Variants in INPP5A observed in about 807,000 individuals in gnomAD.
The protein encoded by INPP5A is inositol polyphosphate-5-phosphatase A.
Under a neutral mutation model 65.2 loss-of-function variants are expected in INPP5A, and 14 were observed. The ratio of observed to expected loss-of-function variants is 0.21; its 90% CI spans 0.14 to 0.34. INPP5A has a LOEUF of 0.34. Among genes scored for constraint, INPP5A ranks in the 10% least tolerant of loss-of-function variants. The pLI is 1.00. For synonymous variants in INPP5A, 207 were observed against 208.3 expected, an observed-to-expected ratio of 0.99 and a Z score of 0.05; for missense variants, 431 against 545.6, an observed-to-expected ratio of 0.79 and a Z score of 2.09.
intron 1 of INPP5A, among the ~76,000 whole-genome samples, chr10:132,597,320 G>A (rs1462399174): frequency 6.6e-6 from 1 of 152,178 alleles, no homozygotes; most frequent in Non-Finnish European, 1.5e-5. Flanking sequence ...GATGTGTCAG[G>A]GTGTCTGGAT....
chr10:132,625,385 A>G (rs1276411423), intron 2 of INPP5A, among the ~76,000 whole-genome samples: 4 of 151,936 alleles, frequency 2.6e-5, no homozygotes, highest in Admixed American at 6.6e-5. Context: ...TGCCTGGGCT[A>G]GGGAGGGAGG....
At chr10:132,722,268 C>T (rs969730276) in intron 8 of INPP5A, among the ~76,000 whole-genome samples, 3 of 152,040 alleles carry the variant, frequency 2.0e-5, no homozygotes, top group Admixed American at 1.3e-4. Context: ...CAGCTACGGT[C>T]GCTTTCAGGG....
intron 13 of INPP5A, among the ~76,000 whole-genome samples, chr10:132,778,545 C>T (rs1370427903): frequency 6.6e-6 from 1 of 151,970 alleles, no homozygotes; most frequent in Non-Finnish European, 1.5e-5. Context: ...TTTTGTCAAC[C>T]CCGTGAATGA....
At chr10:132,576,833 G>T (rs370356807) in intron 1 of INPP5A, among the ~76,000 whole-genome samples, 1 of 152,180 alleles carries the variant, frequency 6.6e-6, no homozygotes, top group Non-Finnish European at 1.5e-5. Context: ...GCCGAGGGTC[G>T]CACCCAGACT....
intron 11 of INPP5A, chr10:132,754,041 C>T (rs1432650456): frequency 6.6e-6 from 1 of 152,372 alleles, no homozygotes; most frequent in South Asian, 2.1e-4. Flanking sequence ...AGCAGGGGCC[C>T]TCACCCACAT....
In INPP5A at chr10:132,780,895, A is replaced by G. The variant is rs372404909; in HGVS notation, c.1136A>G (p.Asn379Ser). 19 of 1,595,260 alleles carry G rather than the reference A, an allele frequency of 1.2e-5. No homozygotes were observed. Among genetic ancestry groups the G allele is most frequent in the African/African-American group, 4.1e-5 (3 of 74,012 alleles). ...KVVTYDHIGP[N>S]VCMGDHKPVF... is the part of the protein sequence containing the mutation. Reference sequence around the variant, plus strand: ...GTCACCTATGACCACATTGGGCCCAACGTCTGCATGGGAGACCACAAGGTG... The same window carrying G: ...GTCACCTATGACCACATTGGGCCCAGCGTCTGCATGGGAGACCACAAGGTG... The change falls in exon 14 of 16, where the codon AAC (asparagine) becomes AGC (serine). Residue 379 changes from asparagine (N) to serine (S), a missense_variant. Physicochemically the swap from Asn to Ser is conservative, Grantham distance 46. Coordinates refer to ENST00000368594, the MANE Select transcript of INPP5A (RefSeq NM_005539.5).
intron 8 of INPP5A, among the ~76,000 whole-genome samples, chr10:132,711,063 G>A (rs777165690): frequency 1.3e-5 from 2 of 152,226 alleles, no homozygotes; most frequent in Non-Finnish European, 2.9e-5. Context: ...CTTGGATGGG[G>A]ATGGCTTCAC....
intron 8 of INPP5A, 105 bp from the exon 9 acceptor site, chr10:132,726,716 A>C: frequency 1.3e-6 from 1 of 780,644 alleles, no homozygotes; most frequent in Non-Finnish European, 2.1e-6. Flanking sequence ...AGCAGGTGAC[A>C]GAACAGAGAG....
intron 2 of INPP5A, among the ~76,000 whole-genome samples, chr10:132,642,138 G>T (rs901846388): frequency 3.3e-5 from 5 of 151,662 alleles, no homozygotes; most frequent in Admixed American, 1.3e-4. Context: ...CCTGGAGCTC[G>T]TCTGCGGTCT....
chr10:132,566,263 C>A (rs778483071), intron 1 of INPP5A, among the ~76,000 whole-genome samples: 1 of 152,146 alleles, frequency 6.6e-6, no homozygotes, highest in East Asian at 1.9e-4. Context: ...AAAGATTGAT[C>A]GACTTGTCAA....
chr10:132,730,545 C>T (rs1287104446), intron 9 of INPP5A, among the ~76,000 whole-genome samples: 1 of 152,232 alleles, frequency 6.6e-6, no homozygotes, highest in Non-Finnish European at 1.5e-5. Flanking sequence ...AGAGCAGCTC[C>T]TGCGTGCAGC....
rs1395321700 is a variant in INPP5A at position 132,538,192 on chromosome 10, G to T, written c.75+21G>T. The stretch of plus-strand genomic sequence containing the variant: ...ACGACGTAAGTCCCCCGTGCCGGCG[G>T]CAGGCCCCAAGCCCGGAACCCCCGA... On this transcript the variant is annotated intron_variant, in intron 1 of 15. Transcript: ENST00000368594. The surrounding 1 kb of genome is among the most constrained non-coding windows in gnomAD (Gnocchi z 4.1). 7.9e-7 allele frequency: 1 copy of T among 1,264,932 alleles called. No individual in the cohort carries two copies. Among genetic ancestry groups the T allele is most frequent in the South Asian group, 2.7e-5 (1 of 36,364 alleles). The allele number at this position is 1,264,932 out of a possible 1,614,324, so 78.4% of individuals were successfully genotyped here. A position where few individuals can be genotyped will look rare whatever the true frequency, so the allele number is the denominator to read the frequency against.
intron 6 of INPP5A, among the ~76,000 whole-genome samples, chr10:132,699,218 G>T (rs540262236): frequency 6.6e-6 from 1 of 152,082 alleles, no homozygotes; most frequent in Non-Finnish European, 1.5e-5. Flanking sequence ...GTGCAGGCCC[G>T]TCGGAAGGGC....
At chr10:132,720,046 T>C (rs55639719) in intron 8 of INPP5A, among the ~76,000 whole-genome samples, 2,607 of 101,812 alleles carry the variant, frequency 0.026, 83 homozygotes, top group African/African-American at 0.089. Context: ...GGCTGTCTTG[T>C]GGGTTCTGTG....
intron 1 of INPP5A, among the ~76,000 whole-genome samples, chr10:132,594,394 C>T (rs755577012): frequency 1.3e-4 from 20 of 151,312 alleles, no homozygotes; most frequent in Non-Finnish European, 2.4e-4. Flanking sequence ...CTTCCTGCGT[C>T]GGTGGAAACA....
chr10:132,734,882 A>G (rs1053756503), intron 9 of INPP5A, among the ~76,000 whole-genome samples: 12 of 152,228 alleles, frequency 7.9e-5, no homozygotes, highest in African/African-American at 2.4e-4. Context: ...GGATGGAGCT[A>G]GCTTCGGGGC....
chr10:132,569,560 G>A (rs1334901833), intron 1 of INPP5A, among the ~76,000 whole-genome samples: 1 of 152,180 alleles, frequency 6.6e-6, no homozygotes, highest in East Asian at 1.9e-4. Context: ...GTCTCAGTAT[G>A]TTGCCCAGGC....
intron 11 of INPP5A, among the ~76,000 whole-genome samples, chr10:132,757,219 C>T (rs769991637): frequency 2.6e-5 from 4 of 152,254 alleles, no homozygotes; most frequent in African/African-American, 7.2e-5. Context: ...ACTCTCAGCG[C>T]TGGGCATTTC....
At chr10:132,715,953 G>A (rs142182179) in intron 8 of INPP5A, among the ~76,000 whole-genome samples, 149 of 152,340 alleles carry the variant, frequency 9.8e-4, no homozygotes, top group African/African-American at 3.4e-3. Context: ...CTGCCGTTCC[G>A]CTGCCGTGAA....
Sources: allele counts gnomAD v4.1 joint callset (sites outside exome capture counted in the v4.1 genomes callset), GRCh38; gene constraint gnomAD v4.1.1; non-coding constraint Gnocchi (gnomAD v3.1); transcripts MANE v1.5; gene names NCBI Gene and HGNC (gene_info 2026-07-23, HGNC 2026-07-21).